AGPS: variants seen among roughly 807,000 people sequenced by gnomAD.
AGPS encodes the protein alkyldihydroxyacetonephosphate synthase, peroxisomal.
AGPS carries 26 observed loss-of-function variants against 90.7 expected under a neutral mutation model. The observed-to-expected ratio is 0.29, with a 90% confidence interval of 0.21 to 0.40. AGPS has a LOEUF of 0.40. Ranked by LOEUF, AGPS falls within the 10% of genes least tolerant of loss-of-function variation. The probability of loss-of-function intolerance (pLI) is 1.00; values close to 1 mark genes in which losing one functional copy is unlikely to be tolerated. For missense variants in AGPS, 540 were observed against 816.1 expected, an observed-to-expected ratio of 0.66 and a Z score of 4.12; for synonymous variants, 294 against 285.3, an observed-to-expected ratio of 1.03 and a Z score of -0.31.
intron 8 of AGPS, 31 bp from the exon 9 acceptor site, chr2:177,461,862 C>G (rs774469660): frequency 6.3e-7 from 1 of 1,575,598 alleles, no homozygotes; most frequent in South Asian, 1.1e-5. Context: ...GGACCATTTT[C>G]ACTGTAAAAT....
intron 5 of AGPS, among the ~76,000 whole-genome samples, chr2:177,438,633 A>G (rs1686493727): frequency 6.6e-6 from 1 of 152,034 alleles, no homozygotes; most frequent in Admixed American, 6.6e-5. Flanking sequence ...AAGGGTTTTC[A>G]TGCCGCATGT....
At chr2:177,483,168 G>A (rs1219459751) in intron 11 of AGPS, among the ~76,000 whole-genome samples, 1 of 152,086 alleles carries the variant, frequency 6.6e-6, no homozygotes, top group Non-Finnish European at 1.5e-5. Flanking sequence ...CTTGGAATTT[G>A]TAAGGTACAG....
At chr2:177,465,243 A>G (rs1687411797) in intron 9 of AGPS, among the ~76,000 whole-genome samples, 1 of 152,166 alleles carries the variant, frequency 6.6e-6, no homozygotes, top group Non-Finnish European at 1.5e-5. Flanking sequence ...ACAGTGAGCT[A>G]TCATCCCACC....
chr2:177,517,503 G>C (rs1362359671), intron 17 of AGPS, among the ~76,000 whole-genome samples: 1 of 151,894 alleles, frequency 6.6e-6, no homozygotes, highest in African/African-American at 2.4e-5. Context: ...TAACTTCGAG[G>C]GAGTTTGGAA....
At chr2:177,517,818 A>C (rs1689065705) in intron 17 of AGPS, among the ~76,000 whole-genome samples, 1 of 152,190 alleles carries the variant, frequency 6.6e-6, no homozygotes, top group Non-Finnish European at 1.5e-5. Flanking sequence ...TAACTCACAA[A>C]CCTTTCTTTA....
At chr2:177,428,435 G>A (rs1686142619) in intron 2 of AGPS, among the ~76,000 whole-genome samples, 2 of 152,188 alleles carry the variant, frequency 1.3e-5, no homozygotes. Context: ...GTGTACTTCA[G>A]TGTGTTTTTA....
chr2:177,398,986 C>T (rs1391345470), intron 1 of AGPS, among the ~76,000 whole-genome samples: 1 of 152,202 alleles, frequency 6.6e-6, no homozygotes, highest in Non-Finnish European at 1.5e-5. Context: ...AAGATTTAAT[C>T]GCTGTGGTTA....
At chr2:177,449,698 A>G (rs1336391782) in intron 8 of AGPS, among the ~76,000 whole-genome samples, 6 of 152,168 alleles carry the variant, frequency 3.9e-5, no homozygotes, top group Admixed American at 3.9e-4. Context: ...AAGTGTTGGG[A>G]TTATAGGCTC....
At chr2:177,531,605 C>T (rs1386377159) in intron 19 of AGPS, among the ~76,000 whole-genome samples, 1 of 151,956 alleles carries the variant, frequency 6.6e-6, no homozygotes, top group Non-Finnish European at 1.5e-5. Flanking sequence ...GCATTTTCTG[C>T]CAAAATTTCA....
intron 3 of AGPS, 29 bp downstream of exon 3, chr2:177,434,446 A>C: frequency 2.5e-5 from 38 of 1,510,632 alleles, no homozygotes; most frequent in East Asian, 4.5e-5. Context: ...TTACTAACTC[A>C]TTTAACTGTG....
chr2:177,414,356 C>T (rs1482682516), intron 1 of AGPS, among the ~76,000 whole-genome samples: 1 of 151,994 alleles, frequency 6.6e-6, no homozygotes, highest in Non-Finnish European at 1.5e-5. Context: ...CAGGCTTGCA[C>T]CACCACACCT....
intron 8 of AGPS, among the ~76,000 whole-genome samples, chr2:177,447,211 A>G (rs1686801920): frequency 6.6e-6 from 1 of 152,098 alleles, no homozygotes; most frequent in South Asian, 2.1e-4. Flanking sequence ...AAGTTGATTG[A>G]CATTGATCTG....
intron 1 of AGPS, among the ~76,000 whole-genome samples, chr2:177,418,323 A>G (rs1254018174): frequency 1.3e-5 from 2 of 152,102 alleles, no homozygotes; most frequent in African/African-American, 4.8e-5. Flanking sequence ...ATGAAGTGCT[A>G]AGAATGAACC....
At chr2:177,461,573 GA>G (rs1427756571) in intron 8 of AGPS, among the ~76,000 whole-genome samples, 4 of 150,868 alleles carry the variant, frequency 2.7e-5, no homozygotes, top group South Asian at 2.1e-4. Context: ...TCTCTTTGTA[GA>G]AAAAAAAAGT....
chr2:177,438,454 T>C (rs1228295833), intron 5 of AGPS, among the ~76,000 whole-genome samples: 1 of 152,190 alleles, frequency 6.6e-6, no homozygotes. Flanking sequence ...GAAATCCAAA[T>C]ATTCTCAAAA....
intron 9 of AGPS, among the ~76,000 whole-genome samples, chr2:177,464,423 A>G (rs1687388172): frequency 1.3e-5 from 2 of 152,248 alleles, no homozygotes; most frequent in African/African-American, 4.8e-5. Context: ...TCGTAACATT[A>G]GTGCATATTT....
At chr2:177,430,737 A>G (rs1686218476) in intron 2 of AGPS, among the ~76,000 whole-genome samples, 2 of 152,108 alleles carry the variant, frequency 1.3e-5, no homozygotes. Flanking sequence ...TGCTGAATTC[A>G]GTTGCTATTT....
chr2:177,398,900 G>A (rs1012570008), intron 1 of AGPS, among the ~76,000 whole-genome samples: 3 of 152,156 alleles, frequency 2.0e-5, no homozygotes, highest in Admixed American at 6.5e-5. Flanking sequence ...GAAGAAAGGA[G>A]GAAAAGAGAA....
rs1329760967 is a variant in AGPS at position 177,540,134 on chromosome 2, T to G, written c.*1939T>G. On this transcript the variant is annotated 3_prime_UTR_variant, in exon 20 of 20. Transcript: ENST00000264167. ...GTAATTTTTAAAAAATAAAACAGGTTAATAAGAAGATCCATTCCTTTGCAT... is the reference window on the plus strand; with the variant it reads ...GTAATTTTTAAAAAATAAAACAGGTGAATAAGAAGATCCATTCCTTTGCAT... The G allele has an allele frequency of 2.0e-5, 3 of 150,738 alleles. No individual in the cohort carries two copies. The highest frequency in any genetic ancestry group is 4.4e-5 in the Non-Finnish European group (3 of 67,612). 9.3% of individuals were successfully genotyped at this position (150,738 alleles called of 1,614,324 possible).
Sources: allele counts gnomAD v4.1 joint callset (sites outside exome capture counted in the v4.1 genomes callset), GRCh38; gene constraint gnomAD v4.1.1; transcripts MANE v1.5; gene names NCBI Gene and HGNC (gene_info 2026-07-23, HGNC 2026-07-21).